The following GALNTL6 variants were observed in gnomAD, a reference collection of about 807,000 sequenced individuals.
The protein encoded by GALNTL6 is polypeptide N-acetylgalactosaminyltransferase-like 6.
Under a neutral mutation model 73.7 loss-of-function variants are expected in GALNTL6, and 46 were observed. The ratio of observed to expected loss-of-function variants is 0.62; its 90% CI spans 0.49 to 0.80. The LOEUF (loss-of-function observed/expected upper bound fraction) is 0.80, where lower values mean the gene tolerates loss of function less well. Among genes scored for constraint, GALNTL6 ranks in the 30% least tolerant of loss-of-function variants. The probability of loss-of-function intolerance (pLI) is 0.00; values close to 1 mark genes in which losing one functional copy is unlikely to be tolerated. For missense variants in GALNTL6, 604 were observed against 755.0 expected (o/e 0.80, Z 2.34); for synonymous variants, 259 against 263.7 (o/e 0.98, Z 0.17).
chr4:171,829,164 T>C (rs1734900335), intron 2 of GALNTL6, among the ~76,000 whole-genome samples: 1 of 152,130 alleles, frequency 6.6e-6, no homozygotes. Context: ...TAAACTGTAC[T>C]AGCAGTGCTT....
intron 5 of GALNTL6, among the ~76,000 whole-genome samples, chr4:172,401,195 CAT>C (rs1170171059): frequency 6.6e-6 from 1 of 152,140 alleles, no homozygotes; most frequent in African/African-American, 2.4e-5. Flanking sequence ...CATACACACA[CAT>C]GCACACACAT....
intron 5 of GALNTL6, chr4:172,668,786 G>A (rs1731810933): frequency 6.6e-6 from 1 of 152,124 alleles, no homozygotes; most frequent in African/African-American, 2.4e-5. Flanking sequence ...CCACTTCAAA[G>A]GGTTCATCAC....
chr4:171,930,377 G>A (rs937085946), intron 2 of GALNTL6, among the ~76,000 whole-genome samples: 1 of 152,196 alleles, frequency 6.6e-6, no homozygotes. Flanking sequence ...CAGAACCACA[G>A]CCTATGCGCC....
chr4:171,904,157 G>A (rs1471885970), intron 2 of GALNTL6, among the ~76,000 whole-genome samples: 2 of 152,152 alleles, frequency 1.3e-5, no homozygotes, highest in East Asian at 3.9e-4. Context: ...TGACTTTGAC[G>A]AGCTGAGAGA....
At chr4:172,041,595 A>G (rs973593255) in intron 2 of GALNTL6, among the ~76,000 whole-genome samples, 3 of 152,102 alleles carry the variant, frequency 2.0e-5, no homozygotes, top group Non-Finnish European at 2.9e-5. Context: ...AATGATTTAA[A>G]GGCTTTTTTA....
intron 7 of GALNTL6, among the ~76,000 whole-genome samples, chr4:172,864,761 G>T (rs369517235): frequency 7.0e-4 from 107 of 152,218 alleles, no homozygotes; most frequent in Admixed American, 2.4e-3. Flanking sequence ...ATTAGATTGG[G>T]TTTATAGAAT....
At chr4:172,147,730 A>G (rs1733964850) in intron 2 of GALNTL6, among the ~76,000 whole-genome samples, 1 of 152,218 alleles carries the variant, frequency 6.6e-6, no homozygotes, top group Non-Finnish European at 1.5e-5. Context: ...TCAACAAAGC[A>G]TATAAGCATT....
intron 5 of GALNTL6, among the ~76,000 whole-genome samples, chr4:172,406,621 C>T (rs1744246777): frequency 6.6e-6 from 1 of 151,924 alleles, no homozygotes; most frequent in African/African-American, 2.4e-5. Flanking sequence ...ACTTAGTTGC[C>T]TGAGTTCTTA....
intron 7 of GALNTL6, among the ~76,000 whole-genome samples, chr4:172,857,447 T>C (rs1310242914): frequency 6.6e-6 from 1 of 152,086 alleles, no homozygotes; most frequent in Non-Finnish European, 1.5e-5. Flanking sequence ...GGAAAGATCC[T>C]GGAAAAAAGG....
rs770886009 is a variant in GALNTL6, at chr4:172,824,377, AGTGTGT to A, written c.923+10667_923+10672del. Reference sequence around the variant, plus strand: ...CCATGGTATAGTGTGTGTGTGTGTGAGTGTGTGTGTGTGTGTGTTTGTGTGTGTGTG... The same window carrying A: ...CCATGGTATAGTGTGTGTGTGTGTGAGTGTGTGTGTGTTTGTGTGTGTGTG... On this transcript the variant is annotated intron_variant, in intron 7 of 12. Transcript: ENST00000506823. 3.0e-4 allele frequency among the ~76,000 whole-genome samples: 24 copies of A among 80,226 alleles called. No individual in the cohort carries two copies. In the East Asian group the frequency reaches 9.1e-3, roughly 31 times the overall value. 52.6% of individuals were successfully genotyped at this position (80,226 alleles called of 152,430 possible). A position where few individuals can be genotyped will look rare whatever the true frequency, so the allele number is the denominator to read the frequency against.
intron 8 of GALNTL6, among the ~76,000 whole-genome samples, chr4:172,890,035 A>G (rs985639092): frequency 2.0e-5 from 3 of 152,122 alleles, no homozygotes; most frequent in African/African-American, 7.2e-5. Context: ...TCTAGCTTGT[A>G]TGCACAGAGG....
At chr4:172,528,952 C>CATATATAT (rs765904258) in intron 5 of GALNTL6, among the ~76,000 whole-genome samples, 439 of 23,340 alleles carry the variant, frequency 0.019, 65 homozygotes, top group East Asian at 0.056. Context: ...TTCCCAAAGG[C>CATATATAT]ATATATATAT....
intron 7 of GALNTL6, among the ~76,000 whole-genome samples, chr4:172,837,347 G>A (rs1256453276): frequency 1.3e-5 from 2 of 151,858 alleles, no homozygotes; most frequent in East Asian, 3.9e-4. Context: ...TCATCAGTCC[G>A]CTCTTTTCCA....
At chr4:172,832,560 C>T (rs184522300) in intron 7 of GALNTL6, among the ~76,000 whole-genome samples, 4 of 152,292 alleles carry the variant, frequency 2.6e-5, no homozygotes, top group Admixed American at 1.3e-4. Context: ...TAGGCAGGCT[C>T]AAAAATTTCT....
intron 2 of GALNTL6, among the ~76,000 whole-genome samples, chr4:171,994,512 TAGAG>T (rs904287392): frequency 1.3e-5 from 2 of 151,916 alleles, no homozygotes; most frequent in Non-Finnish European, 2.9e-5. Flanking sequence ...CTTGGGGACT[TAGAG>T]AGGAAGGTTG....
intron 3 of GALNTL6, among the ~76,000 whole-genome samples, chr4:172,244,813 T>G (rs533260153): frequency 1.3e-5 from 2 of 152,332 alleles, no homozygotes; most frequent in Admixed American, 1.3e-4. Context: ...CTTCTGGATT[T>G]ATATTACAAG....
chr4:172,931,229 C>G lies in GALNTL6; in HGVS notation c.1110C>G (p.Tyr370Ter). The change falls in exon 9 of 13, where the codon TAC becomes TAG. Residue 370 changes from tyrosine to a stop codon, truncating the protein, a stop_gained. Coordinates refer to ENST00000506823, the MANE Select transcript of GALNTL6 (RefSeq NM_001034845.3). LOFTEE classifies it high-confidence loss of function. Reference sequence around the variant, plus strand: ...GAGTTGGTCATATCTACAGGAAGTACGTTCCATACAAAGTTCCATCTGGGA... The same window carrying G: ...GAGTTGGTCATATCTACAGGAAGTAGGTTCCATACAAAGTTCCATCTGGGA... ...CSRVGHIYRK[Y>*]VPYKVPSGTS... The G allele has an allele frequency of 6.2e-7, 1 of 1,611,074 alleles. No individual in the cohort carries two copies. Among genetic ancestry groups the G allele is most frequent in the Non-Finnish European group, 8.5e-7 (1 of 1,177,280 alleles).
At chr4:172,284,635 C>G (rs1000649583) in intron 3 of GALNTL6, among the ~76,000 whole-genome samples, 14 of 152,122 alleles carry the variant, frequency 9.2e-5, no homozygotes, top group Non-Finnish European at 5.9e-5. Context: ...ACACTTAAGT[C>G]TTTCATCCAT....
chr4:172,807,046 T>C (rs537977992), intron 5 of GALNTL6, among the ~76,000 whole-genome samples: 15 of 152,202 alleles, frequency 9.9e-5, no homozygotes, highest in Non-Finnish European at 1.6e-4. Context: ...CCTTTGATTG[T>C]GCAGTGGTGT....
Sources: allele counts gnomAD v4.1 joint callset (sites outside exome capture counted in the v4.1 genomes callset), GRCh38; gene constraint gnomAD v4.1.1; transcripts MANE v1.5; gene names NCBI Gene and HGNC (gene_info 2026-07-23, HGNC 2026-07-21).